The following FAM20A variants were observed in gnomAD, a reference collection of about 807,000 sequenced individuals.
FAM20A encodes the protein FAM20A golgi associated secretory pathway pseudokinase, also known as pseudokinase FAM20A.
FAM20A carries 42 observed loss-of-function variants against 52.0 expected under a neutral mutation model. The ratio of observed to expected loss-of-function variants is 0.81; its 90% confidence interval spans 0.63 to 1.04. FAM20A has a LOEUF of 1.04. FAM20A is among the 50% of genes least tolerant of loss of function. The pLI, the probability that FAM20A is intolerant of heterozygous loss-of-function variation, is 0.00. For synonymous variants in FAM20A, 304 were observed against 298.9 expected (o/e 1.02, Z -0.18); for missense variants, 742 against 712.7 (o/e 1.04, Z -0.47).
chr17:68,542,145 C>T lies in FAM20A; in HGVS notation c.949G>A (p.Ala317Thr), dbSNP rs139437162. 1.3e-5 allele frequency: 21 copies of T among 1,613,924 alleles called. No homozygotes were observed. The highest frequency in any genetic ancestry group is 4.0e-5 in the African/African-American group (3 of 74,972). ...VSPASNVCFF[A>T]KCPYMCKTEY... The stretch of plus-strand genomic sequence containing the variant: ...GTCTTGCACATGTATGGACACTTGG[C>T]GAAGAAGCACACGTTGCTCGCTGGA... Residue 317 changes from alanine (A) to threonine (T), a missense_variant, in exon 7 of 11, where the codon GCC becomes ACC. Transcript: ENST00000592554.
At chr17:68,550,347 T>C (rs186370834) in intron 4 of FAM20A, among the ~76,000 whole-genome samples, 1 of 149,428 alleles carries the variant, frequency 6.7e-6, no homozygotes, top group Admixed American at 6.7e-5. Context: ...TTTGGATCTT[T>C]CACATAGGAA....
chr17:68,583,255 C>T (rs1031378007), intron 1 of FAM20A, among the ~76,000 whole-genome samples: 5 of 152,154 alleles, frequency 3.3e-5, no homozygotes, highest in Non-Finnish European at 5.9e-5. Flanking sequence ...GGGGCCCTAA[C>T]AAACTACCAC....
intron 1 of FAM20A, among the ~76,000 whole-genome samples, chr17:68,568,844 T>C (rs2087457205): frequency 6.6e-6 from 1 of 151,866 alleles, no homozygotes; most frequent in Non-Finnish European, 1.5e-5. Context: ...GCAAAGGCCC[T>C]TTTTCCATAT....
At chr17:68,582,058 C>T (rs11655304) in intron 1 of FAM20A, among the ~76,000 whole-genome samples, 2,842 of 152,232 alleles carry the variant, frequency 0.019, 53 homozygotes, top group Non-Finnish European at 0.027. Context: ...AAAGTGTCAC[C>T]GACTCACCAG....
At chr17:68,569,150 T>G (rs773130562) in intron 1 of FAM20A, among the ~76,000 whole-genome samples, 3 of 152,144 alleles carry the variant, frequency 2.0e-5, no homozygotes, top group Non-Finnish European at 2.9e-5. Flanking sequence ...GCTTCAATGA[T>G]CGCTTTTGTG....
At chr17:68,581,429 T>C (rs1032314020) in intron 1 of FAM20A, among the ~76,000 whole-genome samples, 3 of 140,000 alleles carry the variant, frequency 2.1e-5, no homozygotes, top group Non-Finnish European at 4.5e-5. Flanking sequence ...TCTCTTTTCT[T>C]TCTTTCTTTT....
intron 10 of FAM20A, among the ~76,000 whole-genome samples, chr17:68,538,930 G>T (rs866196943): frequency 6.6e-6 from 1 of 152,170 alleles, no homozygotes; most frequent in Non-Finnish European, 1.5e-5. Flanking sequence ...GTATCCTTAA[G>T]CGCAGGTTTT....
At chr17:68,548,723 A>ATTTTTTT (rs200833117) in intron 4 of FAM20A, among the ~76,000 whole-genome samples, 5 of 117,942 alleles carry the variant, frequency 4.2e-5, no homozygotes, top group Non-Finnish European at 8.4e-5. Context: ...CTATGCCTGT[A>ATTTTTTT]TATTTTTTTT....
chr17:68,568,508 TAAATA>T (rs2087446131), intron 1 of FAM20A, among the ~76,000 whole-genome samples: 1 of 151,434 alleles, frequency 6.6e-6, no homozygotes, highest in Non-Finnish European at 1.5e-5. Flanking sequence ...ATTTTAAAAA[TAAATA>T]AAAGAAACTT....
At chr17:68,561,825 T>C (rs917261039) in intron 1 of FAM20A, among the ~76,000 whole-genome samples, 1 of 152,104 alleles carries the variant, frequency 6.6e-6, no homozygotes, top group Non-Finnish European at 1.5e-5. Flanking sequence ...TTTTCTTTCT[T>C]TCTGTTTTAT....
At chr17:68,588,596 C>G (rs2143898622) in intron 1 of FAM20A, among the ~76,000 whole-genome samples, 1 of 152,358 alleles carries the variant, frequency 6.6e-6, no homozygotes, top group East Asian at 1.9e-4. Flanking sequence ...CTCTCTTTGG[C>G]TAGCAGATGG....
At chr17:68,588,331 C>CT (rs1334495618) in intron 1 of FAM20A, among the ~76,000 whole-genome samples, 13 of 152,150 alleles carry the variant, frequency 8.5e-5, no homozygotes, top group African/African-American at 2.9e-4. Context: ...CTGTAAGAAC[C>CT]ATATGGGAGG....
chr17:68,586,092 C>T (rs1160656974), intron 1 of FAM20A, among the ~76,000 whole-genome samples: 1 of 152,154 alleles, frequency 6.6e-6, no homozygotes, highest in Non-Finnish European at 1.5e-5. Context: ...GGAAGGTTCT[C>T]ATGGCAAGTG....
intron 10 of FAM20A, 88 bp downstream of exon 10, chr17:68,539,249 A>C: frequency 7.4e-7 from 1 of 1,345,228 alleles, no homozygotes; most frequent in Admixed American, 1.7e-5. Context: ...GACCAGTGAA[A>C]ACTGGAAGCC....
At chr17:68,596,002 C>T (rs2088441501) in intron 1 of FAM20A, among the ~76,000 whole-genome samples, 1 of 152,162 alleles carries the variant, frequency 6.6e-6, no homozygotes, top group African/African-American at 2.4e-5. Flanking sequence ...CTCTATCTGC[C>T]TTGGCTTCTG....
chr17:68,592,284 G>GT (rs2088335345), intron 1 of FAM20A, among the ~76,000 whole-genome samples: 1 of 152,042 alleles, frequency 6.6e-6, no homozygotes, highest in Non-Finnish European at 1.5e-5. Context: ...TATGAATGGG[G>GT]TTAAAAAAAA....
At chr17:68,596,431 CAT>C (rs1401933790) in intron 1 of FAM20A, among the ~76,000 whole-genome samples, 2 of 152,328 alleles carry the variant, frequency 1.3e-5, no homozygotes, top group East Asian at 1.9e-4. Flanking sequence ...AAAGGCCAAT[CAT>C]ATGTGGGCAA....
intron 1 of FAM20A, among the ~76,000 whole-genome samples, chr17:68,599,670 G>A (rs982875681): frequency 6.6e-6 from 1 of 152,158 alleles, no homozygotes; most frequent in Non-Finnish European, 1.5e-5. Flanking sequence ...GGGTGGCTGC[G>A]GCAGAGAACT....
At chr17:68,541,845 TC>T in intron 7 of FAM20A, 139 bp downstream of exon 7, 1 of 1,040,316 alleles carries the variant, frequency 9.6e-7, no homozygotes, top group Non-Finnish European at 1.4e-6. Context: ...GGCCTGCTGA[TC>T]CCAGGATCAA....
Sources: allele counts gnomAD v4.1 joint callset (sites outside exome capture counted in the v4.1 genomes callset), GRCh38; gene constraint gnomAD v4.1.1; transcripts MANE v1.5; gene names NCBI Gene and HGNC (gene_info 2026-07-23, HGNC 2026-07-21).